The following GLG1 variants were observed in gnomAD, a reference collection of about 807,000 sequenced individuals.
GLG1 encodes the protein Golgi apparatus protein 1.
Under a neutral mutation model 160.5 loss-of-function variants are expected in GLG1, and 38 were observed. The ratio of observed to expected loss-of-function variants is 0.24; its 90% CI spans 0.18 to 0.31. The LOEUF (loss-of-function observed/expected upper bound fraction) is 0.31, where lower values mean the gene tolerates loss of function less well. Ranked by LOEUF, GLG1 falls within the 10% of genes least tolerant of loss-of-function variation. The probability of loss-of-function intolerance (pLI) is 1.00; values close to 1 mark genes in which losing one functional copy is unlikely to be tolerated. For missense variants in GLG1, 1,373 were observed against 1,505.2 expected, an observed-to-expected ratio of 0.91 and a Z score of 1.45; for synonymous variants, 644 against 543.4, an observed-to-expected ratio of 1.19 and a Z score of -2.57.
intron 1 of GLG1, among the ~76,000 whole-genome samples, chr16:74,564,855 C>A (rs1305196952): frequency 1.3e-5 from 2 of 152,164 alleles, no homozygotes; most frequent in Non-Finnish European, 2.9e-5. Context: ...GTTTTTTATT[C>A]CTTTCCTAAA....
In GLG1 at chr16:74,451,814, G is replaced by C. The variant is rs1467982868; in HGVS notation, c.*1353C>G. The C allele has an allele frequency of 8.4e-6, 4 of 473,622 alleles. No individual in the cohort carries two copies. Among genetic ancestry groups the C allele is most frequent in the Admixed American group, 3.3e-5 (1 of 29,924 alleles). The allele number at this position is 473,622 out of a possible 1,614,324, so 29.3% of individuals were successfully genotyped here. On this transcript the variant is annotated 3_prime_UTR_variant, in exon 26 of 26. Coordinates refer to ENST00000422840, the MANE Select transcript of GLG1 (RefSeq NM_001145667.2). ...CCAGACTTGTCATCTCCACACTGGAGGAATGAGGCGGGATGGCCAAGAATA... is the reference window on the plus strand; with the variant it reads ...CCAGACTTGTCATCTCCACACTGGACGAATGAGGCGGGATGGCCAAGAATA...
rs769807372 is a variant in GLG1, at chr16:74,607,070, T to A, written c.25A>T (p.Arg9Trp). ...AGCGCCGCCGACAAGCGGAACATCC[T>A]CCGTACACGTCCACACGCCGCCATC... Reference protein sequence around the residue: MAACGRVRRMFRLSAALHL... With the variant: MAACGRVRWMFRLSAALHL... Residue 9 changes from arginine (R) to tryptophan (W), a missense_variant, in exon 1 of 26, where the codon AGG becomes TGG. By Grantham distance (101) the Arg-to-Trp change is moderately radical. Around this residue, in one of 4 missense-constraint regions of GLG1, gnomAD observed 322 missense variants for 254.6 expected, o/e 1.26. Coordinates refer to ENST00000422840, the MANE Select transcript of GLG1 (RefSeq NM_001145667.2). The A allele has an allele frequency of 1.9e-6, 3 of 1,569,180 alleles. No homozygotes were observed. Among genetic ancestry groups the A allele is most frequent in the African/African-American group, 2.7e-5 (2 of 74,128 alleles).
At position 74,453,261 on chromosome 16, in the gene GLG1, G is replaced by C. The variant is rs1174727930; in HGVS notation, c.3446C>G (p.Ser1149Cys). The change falls in exon 26 of 26, where the codon TCT becomes TGT. Residue 1149 changes from serine to cysteine, a missense_variant. Coordinates refer to ENST00000422840, the MANE Select transcript of GLG1 (RefSeq NM_001145667.2). ...MTSPSKNYIL[S>C]VISGSICILF... Reference sequence around the variant, plus strand: ...TATACAGATGCTCCCACTGATCACAGAGAGAATGTAGTTCTTAGATGGAGA... The same window carrying C: ...TATACAGATGCTCCCACTGATCACACAGAGAATGTAGTTCTTAGATGGAGA... 3 of 1,613,602 alleles carry C rather than the reference G, an allele frequency of 1.9e-6. No homozygotes were observed. Among genetic ancestry groups the C allele is most frequent in the Non-Finnish European group, 2.5e-6 (3 of 1,179,540 alleles).
At chr16:74,519,564 TG>T (rs2017094446) in intron 2 of GLG1, among the ~76,000 whole-genome samples, 1 of 11,584 alleles carries the variant, frequency 8.6e-5, no homozygotes, top group East Asian at 4.7e-3. Flanking sequence ...TACTGGTTTT[TG>T]AAAAAAAAAA....
At chr16:74,543,276 G>A (rs1161455251) in intron 1 of GLG1, among the ~76,000 whole-genome samples, 1 of 152,230 alleles carries the variant, frequency 6.6e-6, no homozygotes, top group East Asian at 1.9e-4. Flanking sequence ...AGAGACCAGG[G>A]CTAAATTGGG....
At chr16:74,541,272 C>G (rs533514277) in intron 1 of GLG1, among the ~76,000 whole-genome samples, 94 of 134,428 alleles carry the variant, frequency 7.0e-4, no homozygotes, top group African/African-American at 2.4e-3. Context: ...TGCAGTGAGC[C>G]AAGATCACAC....
chr16:74,579,364 C>G (rs111671702), intron 1 of GLG1, among the ~76,000 whole-genome samples: 4 of 151,882 alleles, frequency 2.6e-5, no homozygotes, highest in African/African-American at 9.7e-5. Context: ...TGCAGTGAGC[C>G]GTGATTGTGC....
At chr16:74,492,205 T>C (rs1373364054) in intron 7 of GLG1, among the ~76,000 whole-genome samples, 1 of 146,858 alleles carries the variant, frequency 6.8e-6, no homozygotes, top group Non-Finnish European at 1.5e-5. Flanking sequence ...GCCAACATGG[T>C]GAAATCCCAT....
chr16:74,519,083 C>A (rs548855047), intron 2 of GLG1, among the ~76,000 whole-genome samples: 1 of 152,256 alleles, frequency 6.6e-6, no homozygotes, highest in South Asian at 2.1e-4. Context: ...TTGGAACCAA[C>A]CCAAATGTCC....
At chr16:74,480,697 C>A (rs2015567308) in intron 10 of GLG1, among the ~76,000 whole-genome samples, 1 of 151,950 alleles carries the variant, frequency 6.6e-6, no homozygotes, top group Non-Finnish European at 1.5e-5. Context: ...GCAGTTGAGG[C>A]AACAGGCACA....
intron 1 of GLG1, among the ~76,000 whole-genome samples, chr16:74,600,526 G>A (rs1958417143): frequency 6.6e-6 from 1 of 151,848 alleles, no homozygotes; most frequent in African/African-American, 2.4e-5. Context: ...GAGGTCAGAG[G>A]TTCAAGACCA....
chr16:74,484,548 G>A (rs142746199), intron 9 of GLG1, among the ~76,000 whole-genome samples: 1,874 of 152,036 alleles, frequency 0.012, 14 homozygotes, highest in Non-Finnish European at 0.019. Context: ...GGGTCATGAG[G>A]TCAGGAGTTC....
chr16:74,515,653 GTAAC>G (rs1253992899), intron 2 of GLG1, among the ~76,000 whole-genome samples: 6 of 151,666 alleles, frequency 4.0e-5, no homozygotes, highest in Non-Finnish European at 8.8e-5. Context: ...GTATACATAT[GTAAC>G]TAACCTACAC....
chr16:74,526,326 G>C (rs1240588805), intron 2 of GLG1, among the ~76,000 whole-genome samples: 5 of 146,854 alleles, frequency 3.4e-5, no homozygotes, highest in Non-Finnish European at 6.0e-5. Context: ...TCAGTATGAA[G>C]ACATATTTTA....
chr16:74,502,836 T>G (rs1419864935), intron 4 of GLG1, among the ~76,000 whole-genome samples: 7 of 149,800 alleles, frequency 4.7e-5, no homozygotes, highest in Admixed American at 2.7e-4. Flanking sequence ...TCCCAAAGTG[T>G]TGGGATTACA....
chr16:74,539,310 C>T (rs2017769867), intron 1 of GLG1, among the ~76,000 whole-genome samples: 1 of 151,696 alleles, frequency 6.6e-6, no homozygotes, highest in South Asian at 2.1e-4. Flanking sequence ...TATAGTTACT[C>T]CTATAGGAAC....
intron 1 of GLG1, among the ~76,000 whole-genome samples, chr16:74,551,866 T>G (rs1293724836): frequency 6.6e-6 from 1 of 151,348 alleles, no homozygotes; most frequent in African/African-American, 2.4e-5. Context: ...GTCTTCGCCA[T>G]TAGTCCAAGT....
At chr16:74,524,568 A>G (rs1172423600) in intron 2 of GLG1, among the ~76,000 whole-genome samples, 2 of 151,600 alleles carry the variant, frequency 1.3e-5, no homozygotes. Context: ...TATCCTTTAG[A>G]GTATTTACTG....
intron 1 of GLG1, among the ~76,000 whole-genome samples, chr16:74,538,709 T>A (rs1251107490): frequency 6.8e-6 from 1 of 147,006 alleles, no homozygotes. Context: ...ACTGTACAGG[T>A]CCAACGGGAG....
Sources: gnomAD v4.1 joint callset for allele counts (sites outside exome capture counted in the v4.1 genomes callset) on GRCh38, gnomAD v4.1.1 for gene constraint, gnomAD v4.1.1 regional missense constraint, MANE v1.5 for transcripts, NCBI Gene and HGNC (gene_info 2026-07-23, HGNC 2026-07-21) for gene names.